The following CD163L1 variants were observed in gnomAD, a reference collection of about 807,000 sequenced individuals.
The protein encoded by CD163L1 is CD163 molecule like 1.
Under a neutral mutation model 165.4 loss-of-function variants are expected in CD163L1, and 124 were observed. The ratio of observed to expected loss-of-function variants is 0.75; its 90% CI spans 0.65 to 0.87. The LOEUF (loss-of-function observed/expected upper bound fraction) is 0.87, where lower values mean the gene tolerates loss of function less well. CD163L1 is among the 40% of genes least tolerant of loss of function. The pLI, the probability that CD163L1 is intolerant of heterozygous loss-of-function variation, is 0.00. For missense variants in CD163L1, 1,525 were observed against 1,799.9 expected (o/e 0.85, Z 2.76); for synonymous variants, 585 against 662.2 (o/e 0.88, Z 1.79).
At chr12:7,320,072 A>G in the CD163L1 span, among the ~76,000 whole-genome samples, 1 of 152,196 alleles carries the variant, frequency 6.6e-6, no homozygotes. Context: ...CCTTCTCCCA[A>G]ATACTTAAGT....
rs761897204 is a variant in CD163L1 at position 7,403,739 on chromosome 12, G to C, written c.1204C>G (p.Gln402Glu). The C allele has an allele frequency of 6.2e-7, 1 of 1,614,018 alleles. No homozygotes were observed. Among genetic ancestry groups the C allele is most frequent in the Non-Finnish European group, 8.5e-7 (1 of 1,179,970 alleles). ...AGCTGCTTACAAACCACAAGGGCTT[G>C]TTCATTCTTCCAGTTCTGGTCACAT... ...TICDQNWKNE[Q>E]ALVVCKQLGC... Residue 402 changes from glutamine to glutamate, a missense_variant, in exon 6 of 20, where the codon CAA becomes GAA. Gln to Glu is a conservative substitution (Grantham distance 29). Coordinates refer to ENST00000313599, the MANE Select transcript of CD163L1 (RefSeq NM_174941.6).
chr12:7,398,623 A>T lies in CD163L1; in HGVS notation c.1409-39T>A. 6.7e-7 allele frequency: 1 copy of T among 1,501,666 alleles called. No individual in the cohort carries two copies. The highest frequency in any genetic ancestry group is 2.3e-5 in the East Asian group (1 of 43,980). The allele number at this position is 1,501,666 out of a possible 1,614,324, so 93.0% of individuals were successfully genotyped here. A position where few individuals can be genotyped will look rare whatever the true frequency, so the allele number is the denominator to read the frequency against. ...AAAACCACATATTTGAGATCAAATG[A>T]GAGAGTCTTTTCAGAAGACTGAAAA... On this transcript the variant is annotated intron_variant, in intron 6 of 19. Coordinates refer to ENST00000313599, the MANE Select transcript of CD163L1 (RefSeq NM_174941.6). This position sits in a 1 kb window ranked among gnomAD's most constrained non-coding sequence, Gnocchi z 4.5.
At chr12:7,339,097 A>G in the CD163L1 span, among the ~76,000 whole-genome samples, 1 of 152,194 alleles carries the variant, frequency 6.6e-6, no homozygotes, top group Non-Finnish European at 1.5e-5. Flanking sequence ...ACCTATTATA[A>G]TGTGAGAAAC....
chr12:7,324,649 T>A, the CD163L1 span: 1 of 1,583,140 alleles, frequency 6.3e-7, no homozygotes, highest in Non-Finnish European at 8.7e-7. Flanking sequence ...TCAAGTTCTG[T>A]CCATTTGACC....
chr12:7,434,795 T>C (rs1948693713), intron 2 of CD163L1, among the ~76,000 whole-genome samples: 1 of 152,102 alleles, frequency 6.6e-6, no homozygotes, highest in African/African-American at 2.4e-5. Flanking sequence ...CAGTACACAA[T>C]GGCTTAGTGA....
Position 7,374,323 on chromosome 12 carries a change from TGG to T in CD163L1, c.3409+117_3409+118del. 9.8e-7 allele frequency: 1 copy of T among 1,024,458 alleles called. No homozygotes were observed. The highest frequency in any genetic ancestry group is 1.4e-6 in the Non-Finnish European group (1 of 704,560). 63.5% of individuals were successfully genotyped at this position (1,024,458 alleles called of 1,614,324 possible). On this transcript the variant is annotated intron_variant, in intron 13 of 19. Coordinates refer to ENST00000313599, the MANE Select transcript of CD163L1 (RefSeq NM_174941.6). This position sits in a 1 kb window ranked among gnomAD's most constrained non-coding sequence, Gnocchi z 5.4. ...ATAAGAGAATAGGATTAAAACCAAGTGGATTTTTTGTTTGTATTCCTAGGCCA... is the reference window on the plus strand; with the variant it reads ...ATAAGAGAATAGGATTAAAACCAAGTATTTTTTGTTTGTATTCCTAGGCCA...
In CD163L1 at chr12:7,406,639, T is replaced by C; in HGVS notation, c.980A>G (p.Asp327Gly). Residue 327 changes from aspartate to glycine, a missense_variant, in exon 5 of 20, where the codon GAT (aspartate) becomes GGT (glycine). Asp to Gly is a moderately conservative substitution (Grantham distance 94, BLOSUM62 -1). Transcript: ENST00000313599. ...LQSGSDVVWL[D>G]GVSCSGNESF... ...TTCATTACCGGAGCAGGAGACACCATCAAGCCATACAACATCAGACCCTGA... is the reference window on the plus strand; with the variant it reads ...TTCATTACCGGAGCAGGAGACACCACCAAGCCATACAACATCAGACCCTGA... 6.2e-7 allele frequency: 1 copy of C among 1,614,054 alleles called. No individual in the cohort carries two copies. Among genetic ancestry groups the C allele is most frequent in the Non-Finnish European group, 8.5e-7 (1 of 1,179,990 alleles).
downstream of CD163L1, among the ~76,000 whole-genome samples, chr12:7,345,132 CT>C (rs75576901): frequency 4.9e-3 from 676 of 138,728 alleles, no homozygotes; most frequent in Middle Eastern, 7.4e-3. Flanking sequence ...ACTGATAATG[CT>C]TTTTTTTTTT....
chr12:7,424,592 C>T (rs768692837), intron 4 of CD163L1, among the ~76,000 whole-genome samples: 22 of 152,126 alleles, frequency 1.4e-4, no homozygotes, highest in Non-Finnish European at 2.9e-5. Flanking sequence ...AAAACCCCAT[C>T]GTATCAGTCC....
chr12:7,325,479 T>C, the CD163L1 span, among the ~76,000 whole-genome samples: 2 of 152,160 alleles, frequency 1.3e-5, no homozygotes, highest in Non-Finnish European at 2.9e-5. Context: ...AAACCCTGTC[T>C]CTACTAAAAA....
downstream of CD163L1, among the ~76,000 whole-genome samples, chr12:7,353,819 G>A (rs1034985361): frequency 3.3e-5 from 5 of 151,864 alleles, no homozygotes; most frequent in African/African-American, 1.2e-4. Context: ...TAGAAATAGG[G>A]ATGGCTCTTT....
chr12:7,413,631 T>C (rs1042922578), intron 4 of CD163L1, among the ~76,000 whole-genome samples: 1 of 152,192 alleles, frequency 6.6e-6, no homozygotes. Flanking sequence ...ATAGATAACT[T>C]GTGTGGTCTT....
chr12:7,433,556 T>C lies in CD163L1; in HGVS notation c.263A>G (p.Gln88Arg), dbSNP rs1323107769. The C allele has an allele frequency of 2.5e-6, 4 of 1,614,042 alleles. No homozygotes were observed. Among genetic ancestry groups the C allele is most frequent in the African/African-American group, 1.3e-5 (1 of 74,922 alleles). Residue 88 changes from glutamine (Q) to arginine (R), a missense_variant, in exon 3 of 20, where the codon CAG (glutamine) becomes CGG (arginine). Transcript: ENST00000313599. ...NTTASTVVCKQLGCPFSFAMF... is the reference protein window; with the variant it reads ...NTTASTVVCKRLGCPFSFAMF... Reference sequence around the variant, plus strand: ...GGCGAAAGAAAATGGACATCCAAGCTGTTTGCACACGACAGTTGAGGCAGT... The same window carrying C: ...GGCGAAAGAAAATGGACATCCAAGCCGTTTGCACACGACAGTTGAGGCAGT...
chr12:7,396,114 A>T lies in CD163L1; in HGVS notation c.2031T>A (p.Asp677Glu), dbSNP rs768973119. The change falls in exon 8 of 20, where the codon GAT (aspartate) becomes GAA (glutamate). Residue 677 changes from aspartate (D) to glutamate (E), a missense_variant. Asp to Glu is a conservative substitution (Grantham distance 45, BLOSUM62 2). Transcript: ENST00000313599. ...TCTTACCAGAACAGATCACTCCAAC[A>T]TCTTCACTGTGACTGCAGTCATTAT... Reference protein sequence around the residue: ...WGNNDCSHSEDVGVICSDASD... With the variant: ...WGNNDCSHSEEVGVICSDASD... The T allele has an allele frequency of 1.2e-5, 19 of 1,613,432 alleles. No individual in the cohort carries two copies. In the East Asian group the frequency reaches 3.3e-4, roughly 28 times the overall value.
At chr12:7,332,337 G>C in the CD163L1 span, among the ~76,000 whole-genome samples, 1 of 152,134 alleles carries the variant, frequency 6.6e-6, no homozygotes, top group East Asian at 1.9e-4. Flanking sequence ...GGGGAGAATG[G>C]AACCAAGTTG....
intron 4 of CD163L1, among the ~76,000 whole-genome samples, chr12:7,421,097 G>A (rs7487337): frequency 4.9e-5 from 5 of 102,994 alleles, no homozygotes; most frequent in East Asian, 6.6e-4. Context: ...GTATATATAT[G>A]TATATATACA....
chr12:7,398,655 C>A lies in CD163L1; in HGVS notation c.1409-71G>T. On this transcript the variant is annotated intron_variant, in intron 6 of 19. Coordinates refer to ENST00000313599, the MANE Select transcript of CD163L1 (RefSeq NM_174941.6). The surrounding 1 kb of genome is among the most constrained non-coding windows in gnomAD (Gnocchi z 4.5). ...CTTTTCAGAAGACTGAAAAGACTCTCTAAATTCACGACTATAAGGCTTTGC... is the reference window on the plus strand; with the variant it reads ...CTTTTCAGAAGACTGAAAAGACTCTATAAATTCACGACTATAAGGCTTTGC... 1 of 1,328,652 alleles carries A rather than the reference C, an allele frequency of 7.5e-7. No homozygotes were observed. Among genetic ancestry groups the A allele is most frequent in the South Asian group, 1.6e-5 (1 of 64,368 alleles). 82.3% of individuals were successfully genotyped at this position (1,328,652 alleles called of 1,614,324 possible).
chr12:7,353,426 A>G (rs771522476), downstream of CD163L1, among the ~76,000 whole-genome samples: 4 of 150,482 alleles, frequency 2.7e-5, no homozygotes, highest in Admixed American at 7.0e-5. Context: ...AAATAATCCA[A>G]TGAAACTTAA....
chr12:7,362,215 G>T (rs1946908247), intron 18 of CD163L1, among the ~76,000 whole-genome samples: 1 of 130,030 alleles, frequency 7.7e-6, no homozygotes, highest in African/African-American at 3.1e-5. Context: ...TATATCATAT[G>T]TATTATTTTT....
Sources: allele counts gnomAD v4.1 joint callset (sites outside exome capture counted in the v4.1 genomes callset), GRCh38; gene constraint gnomAD v4.1.1; non-coding constraint Gnocchi (gnomAD v3.1); transcripts MANE v1.5; gene names NCBI Gene and HGNC (gene_info 2026-07-23, HGNC 2026-07-21).